Variants in ZNF521 observed in about 807,000 individuals in gnomAD.
The protein encoded by ZNF521 is zinc finger protein 521.
In ZNF521, 14 loss-of-function variants were observed where a neutral mutation model predicts 105.5. That is an observed-to-expected ratio of 0.13 (90% CI 0.09 to 0.21). The LOEUF (loss-of-function observed/expected upper bound fraction) is 0.21, where lower values mean the gene tolerates loss of function less well. Among genes scored for constraint, ZNF521 ranks in the 10% least tolerant of loss-of-function variants. The probability of loss-of-function intolerance (pLI) is 1.00; values close to 1 mark genes in which losing one functional copy is unlikely to be tolerated. For synonymous variants in ZNF521, 635 were observed against 606.0 expected, an observed-to-expected ratio of 1.05 and a Z score of -0.70; for missense variants, 1,233 against 1,629.7, an observed-to-expected ratio of 0.76 and a Z score of 4.19.
intron 3 of ZNF521, among the ~76,000 whole-genome samples, chr18:25,237,575 T>G (rs944552643): frequency 6.6e-6 from 1 of 152,188 alleles, no homozygotes; most frequent in African/African-American, 2.4e-5. Flanking sequence ...TCCAAGATAC[T>G]TTAAAAATAA....
chr18:25,094,286 A>G (rs1163587707), intron 5 of ZNF521, among the ~76,000 whole-genome samples: 5 of 152,128 alleles, frequency 3.3e-5, no homozygotes, highest in Non-Finnish European at 5.9e-5. Flanking sequence ...TAAGAGAAGG[A>G]AAAATAAATA....
intron 5 of ZNF521, among the ~76,000 whole-genome samples, chr18:25,143,187 T>C (rs1419855568): frequency 6.6e-6 from 1 of 152,172 alleles, no homozygotes; most frequent in Non-Finnish European, 1.5e-5. Flanking sequence ...TTGAACATAG[T>C]ATCAAAGAGT....
intron 4 of ZNF521, among the ~76,000 whole-genome samples, chr18:25,204,658 C>G (rs2036048380): frequency 6.6e-6 from 1 of 152,124 alleles, no homozygotes; most frequent in Admixed American, 6.5e-5. Flanking sequence ...TGTCTTTCTA[C>G]ACACTTGAAC....
At chr18:25,221,458 G>C (rs1905721828) in intron 4 of ZNF521, among the ~76,000 whole-genome samples, 1 of 152,114 alleles carries the variant, frequency 6.6e-6, no homozygotes, top group South Asian at 2.1e-4. Context: ...GATATTCTAT[G>C]TAATTCTAAG....
At chr18:25,167,776 G>C (rs1479347342) in intron 5 of ZNF521, among the ~76,000 whole-genome samples, 1 of 152,054 alleles carries the variant, frequency 6.6e-6, no homozygotes, top group Non-Finnish European at 1.5e-5. Flanking sequence ...GTCAAACTGG[G>C]GTGTCTGAAC....
chr18:25,120,808 C>T (rs1364100076), intron 5 of ZNF521, among the ~76,000 whole-genome samples: 5 of 152,072 alleles, frequency 3.3e-5, no homozygotes, highest in Admixed American at 6.5e-5. Context: ...GATCTGTGAA[C>T]AAATACCTTG....
chr18:25,066,444 A>G (rs2033062905), intron 7 of ZNF521, among the ~76,000 whole-genome samples: 1 of 152,158 alleles, frequency 6.6e-6, no homozygotes, highest in Non-Finnish European at 1.5e-5. Flanking sequence ...GAAGGAATGG[A>G]ATATCTGAGC....
At chr18:25,108,890 G>A (rs1384512080) in intron 5 of ZNF521, among the ~76,000 whole-genome samples, 3 of 152,116 alleles carry the variant, frequency 2.0e-5, no homozygotes, top group Non-Finnish European at 2.9e-5. Context: ...CTCCCAAAGT[G>A]CTGGGATTAC....
intron 5 of ZNF521, among the ~76,000 whole-genome samples, chr18:25,173,365 C>T (rs923853273): frequency 2.0e-5 from 3 of 152,202 alleles, no homozygotes; most frequent in Non-Finnish European, 4.4e-5. Context: ...CTGACCTGGA[C>T]ACCTTTTCCT....
chr18:25,183,679 G>A (rs2144598628), intron 5 of ZNF521, among the ~76,000 whole-genome samples: 1 of 152,254 alleles, frequency 6.6e-6, no homozygotes, highest in East Asian at 1.9e-4. Context: ...TATAATGTGA[G>A]AGCCATGAAA....
At chr18:25,135,101 T>G (rs1362567609) in intron 5 of ZNF521, among the ~76,000 whole-genome samples, 1 of 152,074 alleles carries the variant, frequency 6.6e-6, no homozygotes, top group Non-Finnish European at 1.5e-5. Context: ...GCTAAATTAT[T>G]TCACTATACT....
intron 5 of ZNF521, among the ~76,000 whole-genome samples, chr18:25,113,507 T>C (rs2034236944): frequency 6.6e-6 from 1 of 152,128 alleles, no homozygotes; most frequent in African/African-American, 2.4e-5. Context: ...CAAATGCTAA[T>C]GTTGTATCAG....
At chr18:25,268,681 T>C (rs780533412) in intron 3 of ZNF521, among the ~76,000 whole-genome samples, 4 of 152,136 alleles carry the variant, frequency 2.6e-5, no homozygotes, top group Non-Finnish European at 5.9e-5. Context: ...GCCAAACTAA[T>C]CTTCTTAAGT....
At chr18:25,280,139 C>T (rs1910273236) in intron 3 of ZNF521, among the ~76,000 whole-genome samples, 1 of 152,232 alleles carries the variant, frequency 6.6e-6, no homozygotes, top group African/African-American at 2.4e-5. Flanking sequence ...CAAACGCTGA[C>T]TTCCCCTCAT....
chr18:25,084,152 A>G lies in ZNF521; in HGVS notation c.3906+5313T>C, dbSNP rs1298167387. Reference sequence around the variant, plus strand: ...GGACTATAGCAGTATGTAATATAGCAGTTGTAATTCTGACTATTAACAAGG... The same window carrying G: ...GGACTATAGCAGTATGTAATATAGCGGTTGTAATTCTGACTATTAACAAGG... On this transcript the variant is annotated intron_variant, in intron 7 of 7. Coordinates refer to ENST00000361524, the MANE Select transcript of ZNF521 (RefSeq NM_015461.3). Among the ~76,000 whole-genome samples the G allele has an allele frequency of 1.3e-5, 2 of 151,908 alleles. 1 individual carries two copies. Among genetic ancestry groups the G allele is most frequent in the Non-Finnish European group, 2.9e-5 (2 of 68,006 alleles).
At chr18:25,325,542 A>G (rs1187887312) in intron 2 of ZNF521, among the ~76,000 whole-genome samples, 1 of 152,168 alleles carries the variant, frequency 6.6e-6, no homozygotes, top group Non-Finnish European at 1.5e-5. Context: ...AATCCACGCA[A>G]AGGGTGATAT....
At chr18:25,213,962 T>G (rs1444565910) in intron 4 of ZNF521, among the ~76,000 whole-genome samples, 1 of 152,146 alleles carries the variant, frequency 6.6e-6, no homozygotes, top group Non-Finnish European at 1.5e-5. Context: ...GCATTTTTTG[T>G]AAAATTTTAA....
chr18:25,303,444 C>T (rs1010630222), intron 3 of ZNF521, among the ~76,000 whole-genome samples: 2 of 151,906 alleles, frequency 1.3e-5, no homozygotes, highest in African/African-American at 4.8e-5. Context: ...ACTACAGGTG[C>T]CCGCCACCAT....
At chr18:25,110,648 C>G (rs138762047) in intron 5 of ZNF521, among the ~76,000 whole-genome samples, 2,196 of 151,532 alleles carry the variant, frequency 0.014, 52 homozygotes, top group African/African-American at 0.05. Context: ...TGACAGGCTT[C>G]TTGCCCAGCT....
Sources: allele counts gnomAD v4.1 joint callset (sites outside exome capture counted in the v4.1 genomes callset), GRCh38; gene constraint gnomAD v4.1.1; transcripts MANE v1.5; gene names NCBI Gene and HGNC (gene_info 2026-07-23, HGNC 2026-07-21).